Variants in DMD observed in about 807,000 individuals in gnomAD.
DMD encodes the protein mutant dystrophin.
DMD carries 63 observed loss-of-function variants against 330.1 expected under a neutral mutation model. The ratio of observed to expected loss-of-function variants is 0.19; its 90% CI spans 0.16 to 0.24. The LOEUF is 0.24. Among genes scored for constraint, DMD ranks in the 10% least tolerant of loss-of-function variants. The pLI, the probability that DMD is intolerant of heterozygous loss-of-function variation, is 1.00. For missense variants in DMD, 3,344 were observed against 2,684.1 expected (o/e 1.25, Z -5.43); for synonymous variants, 1,223 against 959.8 (o/e 1.27, Z -5.07).
chrX:32,316,140 C>A (rs1230508007), intron 41 of DMD, among the ~76,000 whole-genome samples: 1 of 111,437 alleles, frequency 9.0e-6, no homozygotes, highest in Non-Finnish European at 1.9e-5. Context: ...AGTGTCAATA[C>A]ATGGAAATAA....
intron 41 of DMD, among the ~76,000 whole-genome samples, chrX:32,323,577 T>G (rs780997223): frequency 2.7e-4 from 30 of 111,760 alleles, no homozygotes; most frequent in Non-Finnish European, 1.9e-5. Context: ...GTTGACTAAG[T>G]AAATCATCTT....
intron 2 of DMD, among the ~76,000 whole-genome samples, chrX:32,929,675 C>G (rs1233085001): frequency 1.8e-5 from 2 of 111,248 alleles, no homozygotes; most frequent in Non-Finnish European, 3.8e-5. Flanking sequence ...AACCCGTCAT[C>G]TACATTAGGT....
At chrX:32,690,245 T>A (rs2063178639) in intron 9 of DMD, among the ~76,000 whole-genome samples, 1 of 111,041 alleles carries the variant, frequency 9.0e-6, no homozygotes, top group Non-Finnish European at 1.9e-5. Context: ...GTTGAGTTTC[T>A]AGGAGACAAA....
intron 19 of DMD, among the ~76,000 whole-genome samples, chrX:32,497,924 T>A (rs941182889): frequency 1.3e-4 from 15 of 111,884 alleles, no homozygotes; most frequent in African/African-American, 4.5e-4. Context: ...ATTAGAAAGA[T>A]TACTTACTAT....
intron 51 of DMD, among the ~76,000 whole-genome samples, chrX:31,740,215 T>C (rs5927827): frequency 0.2 from 22,735 of 111,583 alleles, 1,815 homozygotes; most frequent in East Asian, 0.48. Context: ...TAAAGGGCGT[T>C]GATAATTTTA....
At chrX:32,442,648 T>C (rs138659396) in intron 27 of DMD, among the ~76,000 whole-genome samples, 2,231 of 110,975 alleles carry the variant, frequency 0.02, 54 homozygotes, top group African/African-American at 0.07. Flanking sequence ...CTTTTTGATA[T>C]GTGCATCCTC....
intron 53 of DMD, among the ~76,000 whole-genome samples, chrX:31,665,820 A>G (rs1273661742): frequency 9.0e-6 from 1 of 111,681 alleles, no homozygotes; most frequent in Non-Finnish European, 1.9e-5. Flanking sequence ...AACTAATGGC[A>G]TACAATATAT....
chrX:32,786,165 A>G (rs985633169), intron 7 of DMD, among the ~76,000 whole-genome samples: 1 of 109,822 alleles, frequency 9.1e-6, no homozygotes, highest in Non-Finnish European at 1.9e-5. Flanking sequence ...CACTTTTCCA[A>G]GAGACTCACT....
chrX:31,858,214 G>A (rs1190826832), intron 48 of DMD, among the ~76,000 whole-genome samples: 1 of 111,357 alleles, frequency 9.0e-6, no homozygotes, highest in East Asian at 2.8e-4. Flanking sequence ...ATATAGAATT[G>A]TATATTCAAG....
At chrX:32,576,367 G>A (rs2053050632) in intron 13 of DMD, among the ~76,000 whole-genome samples, 1 of 111,050 alleles carries the variant, frequency 9.0e-6, no homozygotes, top group African/African-American at 3.3e-5. Context: ...ACCCTTCACA[G>A]TTTTTCTTTG....
intron 63 of DMD, among the ~76,000 whole-genome samples, chrX:31,237,876 C>T (rs2047883013): frequency 9.0e-6 from 1 of 110,698 alleles, no homozygotes; most frequent in South Asian, 3.9e-4. Context: ...CCCACCACCA[C>T]GCCCAGCTAA....
rs1377641328 is a variant in DMD, at chrX:31,522,375, A to C, written c.8218-14922T>G. On this transcript the variant is annotated intron_variant, in intron 55 of 78. Coordinates refer to ENST00000357033, the MANE Select transcript of DMD (RefSeq NM_004006.3). ...TCTCTCTCTCTCTCTATATATATAT[A>C]TATATATATATAGCTGCACAGGAAG... Among the ~76,000 whole-genome samples, 246 of 81,619 alleles carry C rather than the reference A, an allele frequency of 3.0e-3. 5 individuals carry two copies. Among genetic ancestry groups the C allele is most frequent in the African/African-American group, 0.013 (225 of 16,800 alleles). The allele number at this position is 81,619 out of a possible 115,157, so 70.9% of individuals were successfully genotyped here.
chrX:31,442,698 T>C (rs773561520), intron 60 of DMD, among the ~76,000 whole-genome samples: 1 of 111,721 alleles, frequency 9.0e-6, no homozygotes, highest in African/African-American at 3.3e-5. Flanking sequence ...AGAACACTTA[T>C]ATGGGACTAA....
At chrX:32,285,224 G>A (rs1347125970) in intron 43 of DMD, among the ~76,000 whole-genome samples, 4 of 111,672 alleles carry the variant, frequency 3.6e-5, no homozygotes, top group Non-Finnish European at 7.5e-5. Flanking sequence ...GGTGTGGGTG[G>A]CCTAGAATGC....
intron 2 of DMD, among the ~76,000 whole-genome samples, chrX:32,851,295 A>G (rs113494505): frequency 8.9e-6 from 1 of 111,764 alleles, no homozygotes; most frequent in African/African-American, 3.2e-5. Flanking sequence ...GCAACCAACC[A>G]GTCCCTGTGT....
intron 37 of DMD, among the ~76,000 whole-genome samples, chrX:32,350,675 A>T (rs1299733155): frequency 9.0e-6 from 1 of 111,056 alleles, no homozygotes; most frequent in African/African-American, 3.3e-5. Flanking sequence ...CCCAATGATC[A>T]GCTTACTATG....
chrX:31,169,307 G>C (rs1297895610), intron 74 of DMD, 136 bp downstream of exon 74: 1 of 469,235 alleles, frequency 2.1e-6, no homozygotes, highest in East Asian at 3.8e-5. Flanking sequence ...GAGAGAATCT[G>C]CAAATGGAGC....
At chrX:31,960,523 C>T (rs1230788545) in intron 45 of DMD, among the ~76,000 whole-genome samples, 3 of 111,171 alleles carry the variant, frequency 2.7e-5, no homozygotes, top group Non-Finnish European at 1.9e-5. Flanking sequence ...CTGGCATGTC[C>T]ATTTACTCTT....
At chrX:31,708,381 A>C (rs1182832821) in intron 52 of DMD, among the ~76,000 whole-genome samples, 1 of 111,723 alleles carries the variant, frequency 9.0e-6, no homozygotes, top group East Asian at 2.8e-4. Context: ...GCAGATCTAA[A>C]GCATGTCTGT....
Sources: gnomAD v4.1 joint callset for allele counts (sites outside exome capture counted in the v4.1 genomes callset) on GRCh38, gnomAD v4.1.1 for gene constraint, MANE v1.5 for transcripts, NCBI Gene and HGNC (gene_info 2026-07-23, HGNC 2026-07-21) for gene names.